The following ANKRD44 variants were observed in gnomAD, a reference collection of about 807,000 sequenced individuals.
The protein encoded by ANKRD44 is serine/threonine-protein phosphatase 6 regulatory ankyrin repeat subunit B.
A neutral mutation model predicts 116.0 loss-of-function variants in ANKRD44; 35 were observed. That is an observed-to-expected ratio of 0.30 (90% CI 0.23 to 0.40). The LOEUF (loss-of-function observed/expected upper bound fraction) is 0.40, where lower values mean the gene tolerates loss of function less well. ANKRD44 is among the 10% of genes least tolerant of loss of function. The pLI, the probability that ANKRD44 is intolerant of heterozygous loss-of-function variation, is 1.00. For synonymous variants in ANKRD44, 435 were observed against 461.8 expected, an observed-to-expected ratio of 0.94 and a Z score of 0.74; for missense variants, 1,014 against 1,242.6, an observed-to-expected ratio of 0.82 and a Z score of 2.77.
chr2:197,278,657 A>G (rs13392750), intron 1 of ANKRD44, among the ~76,000 whole-genome samples: 67,032 of 152,140 alleles, frequency 0.44, 16,829 homozygotes, highest in South Asian at 0.64. Context: ...TTTTATCCCT[A>G]CAAAGGTAAA....
At chr2:197,016,688 T>C (rs546278234) in intron 17 of ANKRD44, among the ~76,000 whole-genome samples, 41 of 152,302 alleles carry the variant, frequency 2.7e-4, no homozygotes, top group African/African-American at 9.9e-4. Context: ...AGCATATTTG[T>C]GAATTTAATA....
intron 1 of ANKRD44, among the ~76,000 whole-genome samples, chr2:197,309,676 G>A (rs1315842878): frequency 2.0e-5 from 3 of 152,190 alleles, no homozygotes; most frequent in Admixed American, 6.5e-5. Flanking sequence ...ATAAACGGGG[G>A]TGGGGGTAGC....
chr2:197,162,994 A>G (rs888579753), intron 2 of ANKRD44, among the ~76,000 whole-genome samples: 10 of 152,176 alleles, frequency 6.6e-5, no homozygotes, highest in Non-Finnish European at 1.5e-4. Context: ...CCGGTTGTCT[A>G]CTAGGGTCTG....
At chr2:197,101,724 A>G (rs1457342273) in intron 9 of ANKRD44, among the ~76,000 whole-genome samples, 1 of 152,202 alleles carries the variant, frequency 6.6e-6, no homozygotes, top group African/African-American at 2.4e-5. Flanking sequence ...AGGCAATCAG[A>G]GTGTACAGAT....
Position 197,088,267 on chromosome 2 carries a change from T to C in ANKRD44, c.1247+444A>G, listed in dbSNP as rs2077970715. Among the ~76,000 whole-genome samples the C allele has an allele frequency of 2.0e-5, 3 of 152,230 alleles. No homozygotes were observed. The South Asian group carries it at 6.2e-4, about 31-fold the overall frequency. On this transcript the variant is annotated intron_variant, in intron 12 of 27. Transcript: ENST00000282272. ...TTGACCTATGTTCACATTTAATCATTAAAAGACTAAAAATTAGATTTGAAA... is the reference window on the plus strand; with the variant it reads ...TTGACCTATGTTCACATTTAATCATCAAAAGACTAAAAATTAGATTTGAAA...
intron 17 of ANKRD44, among the ~76,000 whole-genome samples, chr2:197,020,712 T>C (rs956268685): frequency 2.0e-5 from 3 of 152,190 alleles, no homozygotes; most frequent in Non-Finnish European, 2.9e-5. Flanking sequence ...ACTAGAAGTA[T>C]TAAACATTTT....
At chr2:197,170,033 T>C (rs1322727631) in intron 2 of ANKRD44, among the ~76,000 whole-genome samples, 1 of 151,674 alleles carries the variant, frequency 6.6e-6, no homozygotes, top group African/African-American at 2.4e-5. Flanking sequence ...CTACAAAAAA[T>C]ACAAAAATTA....
At chr2:197,144,797 C>T (rs549614553) in intron 3 of ANKRD44, among the ~76,000 whole-genome samples, 35 of 152,208 alleles carry the variant, frequency 2.3e-4, no homozygotes, top group African/African-American at 8.2e-4. Context: ...GATGTGAAAC[C>T]ATGTTTGTCA....
intron 2 of ANKRD44, among the ~76,000 whole-genome samples, chr2:197,157,766 T>C (rs1383042005): frequency 1.3e-5 from 2 of 150,202 alleles, no homozygotes; most frequent in South Asian, 2.1e-4. Flanking sequence ...CTTTGACAAA[T>C]GTGTACTGAG....
At chr2:197,155,537 A>G (rs1467525058) in intron 2 of ANKRD44, among the ~76,000 whole-genome samples, 1 of 152,254 alleles carries the variant, frequency 6.6e-6, no homozygotes, top group East Asian at 1.9e-4. Context: ...TTATAAAGTT[A>G]CAGTAATCAA....
chr2:197,029,446 C>T (rs2076662295), intron 16 of ANKRD44: 3 of 382,654 alleles, frequency 7.8e-6, no homozygotes, highest in Non-Finnish European at 1.5e-5. Flanking sequence ...GTCTGTGTTG[C>T]TTATCTTATG....
intron 22 of ANKRD44, among the ~76,000 whole-genome samples, chr2:197,001,140 C>G (rs1364588320): frequency 6.6e-6 from 1 of 152,188 alleles, no homozygotes; most frequent in Admixed American, 6.5e-5. Context: ...AATCAAATGA[C>G]TCAGTTTCAT....
At chr2:197,293,204 G>A (rs1559226653) in intron 1 of ANKRD44, among the ~76,000 whole-genome samples, 1 of 152,192 alleles carries the variant, frequency 6.6e-6, no homozygotes, top group Non-Finnish European at 1.5e-5. Context: ...AGGGAAGGAT[G>A]GTGAAGGAAA....
chr2:197,103,465 C>T (rs2125241521), intron 9 of ANKRD44, among the ~76,000 whole-genome samples: 1 of 152,018 alleles, frequency 6.6e-6, no homozygotes, highest in South Asian at 2.1e-4. Flanking sequence ...ACTGAAAATT[C>T]AAGAAAACAG....
At chr2:197,291,579 G>T (rs2083570454) in intron 1 of ANKRD44, among the ~76,000 whole-genome samples, 1 of 152,130 alleles carries the variant, frequency 6.6e-6, no homozygotes, top group African/African-American at 2.4e-5. Context: ...ACCACACCCA[G>T]CCAAATTCTG....
At chr2:197,289,401 G>GA (rs2083498167) in intron 1 of ANKRD44, among the ~76,000 whole-genome samples, 1 of 152,108 alleles carries the variant, frequency 6.6e-6, no homozygotes. Context: ...TTATACAAGA[G>GA]AAATTTCTTT....
intron 9 of ANKRD44, among the ~76,000 whole-genome samples, chr2:197,103,031 C>T (rs1379771999): frequency 6.6e-6 from 1 of 151,916 alleles, no homozygotes; most frequent in Non-Finnish European, 1.5e-5. Context: ...AGATCAAGAC[C>T]ATCCTGGCAA....
At chr2:197,008,093 C>T (rs1023168516) in intron 19 of ANKRD44, among the ~76,000 whole-genome samples, 170 bp from the exon 20 acceptor site, 14 of 152,208 alleles carry the variant, frequency 9.2e-5, no homozygotes, top group African/African-American at 1.9e-4. Flanking sequence ...AACAAGCTAT[C>T]TGCCTCTGCT....
chr2:196,974,801 A>G (rs2075745116), intron 21 of ANKRD44, among the ~76,000 whole-genome samples: 1 of 152,040 alleles, frequency 6.6e-6, no homozygotes, highest in Non-Finnish European at 1.5e-5. Context: ...GAGGCAGGAG[A>G]ATCTCTTAAA....
Sources: gnomAD v4.1 joint callset for allele counts (sites outside exome capture counted in the v4.1 genomes callset) on GRCh38, gnomAD v4.1.1 for gene constraint, MANE v1.5 for transcripts, NCBI Gene and HGNC (gene_info 2026-07-23, HGNC 2026-07-21) for gene names.